The following WDR7 variants were observed in gnomAD, a reference collection of about 807,000 sequenced individuals.
WDR7 encodes WD repeat-containing protein 7.
Under a neutral mutation model 169.4 loss-of-function variants are expected in WDR7, and 46 were observed. That is an observed-to-expected ratio of 0.27 (90% CI 0.21 to 0.35). The LOEUF (loss-of-function observed/expected upper bound fraction) is 0.35, where lower values mean the gene tolerates loss of function less well. Ranked by LOEUF, WDR7 falls within the 10% of genes least tolerant of loss-of-function variation. The pLI is 1.00. For missense variants in WDR7, 1,534 were observed against 1,859.3 expected (o/e 0.83, Z 3.22); for synonymous variants, 612 against 666.8 (o/e 0.92, Z 1.27).
chr18:56,720,519 T>C (rs1044116667), intron 13 of WDR7, among the ~76,000 whole-genome samples: 1 of 152,212 alleles, frequency 6.6e-6, no homozygotes, highest in South Asian at 2.1e-4. Flanking sequence ...TGAAAATGTA[T>C]AGTAAACTTG....
rs2048383112 is a variant in WDR7, at chr18:57,027,459, CAG to C, written c.*256_*257del. ...CTGTCACCAGGTAGTTTTTCCCTGCCAGAGATGGCAGGGGAAAGCCAGTGGTT... is the reference window on the plus strand; with the variant it reads ...CTGTCACCAGGTAGTTTTTCCCTGCCAGATGGCAGGGGAAAGCCAGTGGTT... On this transcript the variant is annotated 3_prime_UTR_variant, in exon 28 of 28. Transcript: ENST00000254442. 3.8e-6 allele frequency: 2 copies of C among 520,318 alleles called. No homozygotes were observed. Among genetic ancestry groups the C allele is most frequent in the Non-Finnish European group, 6.8e-6 (2 of 294,516 alleles). 32.2% of individuals were successfully genotyped at this position (520,318 alleles called of 1,614,324 possible).
At chr18:56,755,271 A>G (rs2043867205) in intron 14 of WDR7, among the ~76,000 whole-genome samples, 1 of 152,148 alleles carries the variant, frequency 6.6e-6, no homozygotes, top group African/African-American at 2.4e-5. Flanking sequence ...TTCTCATCTC[A>G]AGATCAGTTA....
chr18:56,769,857 T>A (rs114574649), intron 16 of WDR7, among the ~76,000 whole-genome samples: 430 of 152,308 alleles, frequency 2.8e-3, no homozygotes, highest in African/African-American at 9.6e-3. Flanking sequence ...ATAGAGTCCA[T>A]ACATCATATT....
intron 21 of WDR7, among the ~76,000 whole-genome samples, chr18:56,895,022 T>C (rs2046311504): frequency 6.6e-6 from 1 of 152,124 alleles, no homozygotes; most frequent in Non-Finnish European, 1.5e-5. Flanking sequence ...TTCATTAGCA[T>C]GATACAGAAT....
chr18:57,027,018 G>C lies in WDR7; in HGVS notation c.4284G>C (p.Leu1428=). The change falls in exon 28 of 28, where the codon CTG becomes CTC. Residue 1428 remains leucine (L), a synonymous_variant. Transcript: ENST00000254442. The stretch of plus-strand genomic sequence containing the variant: ...TGTCCCTCCAGATGAACACGTCACT[G>C]CTGGGAAGCATCGGCATGCTGAACT... ...HISFWQMNTS[L]LGSIGMLNSA... The C allele has an allele frequency of 6.2e-7, 1 of 1,613,968 alleles. No homozygotes were observed. Among genetic ancestry groups the C allele is most frequent in the Non-Finnish European group, 8.5e-7 (1 of 1,179,990 alleles).
chr18:57,005,509 C>G (rs190509402), intron 26 of WDR7, among the ~76,000 whole-genome samples: 1 of 152,036 alleles, frequency 6.6e-6, no homozygotes. Flanking sequence ...ATTTCAAAGA[C>G]AAGCTAATAT....
chr18:56,728,208 GCTT>G (rs1304884349), intron 13 of WDR7, among the ~76,000 whole-genome samples: 3 of 151,980 alleles, frequency 2.0e-5, no homozygotes, highest in African/African-American at 7.3e-5. Context: ...GTGTTTTTTG[GCTT>G]CTTCACTGCA....
intron 20 of WDR7, among the ~76,000 whole-genome samples, chr18:56,859,363 C>T (rs971518353): frequency 6.6e-6 from 1 of 152,108 alleles, no homozygotes; most frequent in Non-Finnish European, 1.5e-5. Context: ...TAGAGGTGGT[C>T]TGCCTGGTTT....
At chr18:56,668,228 G>A (rs2025062365) in intron 1 of WDR7, among the ~76,000 whole-genome samples, 1 of 152,138 alleles carries the variant, frequency 6.6e-6, no homozygotes, top group African/African-American at 2.4e-5. Flanking sequence ...GATGCATGTT[G>A]GCTATTGGTT....
chr18:56,962,037 T>C (rs1193268261), intron 25 of WDR7, among the ~76,000 whole-genome samples: 1 of 151,948 alleles, frequency 6.6e-6, no homozygotes, highest in Non-Finnish European at 1.5e-5. Context: ...AATACGTAAG[T>C]CTTCTCATCT....
intron 27 of WDR7, among the ~76,000 whole-genome samples, chr18:57,024,356 C>T (rs896332543): frequency 3.9e-5 from 6 of 152,176 alleles, no homozygotes; most frequent in Non-Finnish European, 8.8e-5. Flanking sequence ...CAGAGAGAGT[C>T]ATTTGTCTGA....
chr18:57,035,955 T>C, the WDR7 span: 1 of 152,202 alleles, frequency 6.6e-6, no homozygotes, highest in Non-Finnish European at 1.5e-5. Flanking sequence ...TAAACCCAAA[T>C]GGCATGGTTA....
chr18:56,839,928 G>A (rs1402980667), intron 20 of WDR7, among the ~76,000 whole-genome samples: 1 of 152,124 alleles, frequency 6.6e-6, no homozygotes, highest in East Asian at 1.9e-4. Context: ...TGGGCATGGT[G>A]GCAGGTGCCT....
Position 56,758,881 on chromosome 18 carries a change from A to C in WDR7, c.2776A>C (p.Thr926Pro). The change falls in exon 16 of 28, where the codon ACC becomes CCC. Residue 926 changes from threonine (T) to proline (P), a missense_variant. Thr to Pro is a conservative substitution (Grantham distance 38). Coordinates refer to ENST00000254442, the MANE Select transcript of WDR7 (RefSeq NM_015285.3). ...KGPTRPPRPSTPDLSKARGSP... is the reference protein window; with the variant it reads ...KGPTRPPRPSPPDLSKARGSP... The stretch of plus-strand genomic sequence containing the variant: ...TTTTTTAAGGCCACCTAGACCAAGC[A>C]CCCCAGACCTTTCTAAGGCAAGGGG... The C allele has an allele frequency of 6.2e-7, 1 of 1,610,218 alleles. No homozygotes were observed. Among genetic ancestry groups the C allele is most frequent in the Non-Finnish European group, 8.5e-7 (1 of 1,178,164 alleles).
At chr18:56,796,136 A>G (rs1188086492) in intron 19 of WDR7, among the ~76,000 whole-genome samples, 2 of 152,226 alleles carry the variant, frequency 1.3e-5, no homozygotes, top group African/African-American at 4.8e-5. Flanking sequence ...TGCAATTTCT[A>G]TAGAGATATA....
intron 19 of WDR7, among the ~76,000 whole-genome samples, chr18:56,809,438 A>G (rs2044831760): frequency 6.6e-6 from 1 of 152,124 alleles, no homozygotes; most frequent in African/African-American, 2.4e-5. Flanking sequence ...AAGTAAGTAA[A>G]CCGTAGCTTG....
chr18:56,930,918 G>A (rs1159888817), intron 22 of WDR7, among the ~76,000 whole-genome samples: 1 of 152,134 alleles, frequency 6.6e-6, no homozygotes, highest in Non-Finnish European at 1.5e-5. Flanking sequence ...TAACCAAAGT[G>A]TTCTTACATG....
chr18:56,702,814 G>C (rs2025862244), intron 12 of WDR7, among the ~76,000 whole-genome samples: 1 of 152,096 alleles, frequency 6.6e-6, no homozygotes, highest in East Asian at 1.9e-4. Context: ...ACTTATTAAA[G>C]TGTCATGTTT....
At chr18:56,762,601 C>T (rs556706959) in intron 16 of WDR7, among the ~76,000 whole-genome samples, 1 of 151,838 alleles carries the variant, frequency 6.6e-6, no homozygotes, top group Non-Finnish European at 1.5e-5. Context: ...GTAATATGTC[C>T]TTGTTTTTAT....
Sources: gnomAD v4.1 joint callset for allele counts (sites outside exome capture counted in the v4.1 genomes callset) on GRCh38, gnomAD v4.1.1 for gene constraint, MANE v1.5 for transcripts, NCBI Gene and HGNC (gene_info 2026-07-23, HGNC 2026-07-21) for gene names.